MCTP2: variants seen among roughly 807,000 people sequenced by gnomAD.
The protein encoded by MCTP2 is multiple C2 and transmembrane domain containing 2, also known as multiple C2 and transmembrane domain-containing protein 2.
In MCTP2, 132 loss-of-function variants were observed where a neutral mutation model predicts 111.6. That is an observed-to-expected ratio of 1.18 (90% CI 1.03 to 1.37). The LOEUF (loss-of-function observed/expected upper bound fraction) is 1.37. MCTP2 is among the 40% of genes most tolerant of loss of function. The pLI, the probability that MCTP2 is intolerant of heterozygous loss-of-function variation, is 0.00. For missense variants in MCTP2, 1,183 were observed against 1,067.9 expected, an observed-to-expected ratio of 1.11 and a Z score of -1.50; for synonymous variants, 395 against 387.7, an observed-to-expected ratio of 1.02 and a Z score of -0.22.
At chr15:94,428,020 AC>A (rs879711160) in intron 17 of MCTP2, among the ~76,000 whole-genome samples, 2 of 152,128 alleles carry the variant, frequency 1.3e-5, no homozygotes, top group Non-Finnish European at 2.9e-5. Context: ...TAAATTCTGG[AC>A]AGTCTCATTA....
At chr15:94,455,732 G>A (rs1036441869) in intron 19 of MCTP2, among the ~76,000 whole-genome samples, 4 of 152,130 alleles carry the variant, frequency 2.6e-5, no homozygotes, top group Non-Finnish European at 5.9e-5. Context: ...GCTTCAGAAA[G>A]TATTATTAAA....
intron 1 of MCTP2, among the ~76,000 whole-genome samples, chr15:94,286,396 C>T (rs1563361): frequency 0.39 from 59,515 of 151,600 alleles, 11,812 homozygotes; most frequent in South Asian, 0.46. Context: ...AATTTCCTTT[C>T]GACTGGTAAG....
chr15:94,373,471 A>C (rs2079591976), intron 12 of MCTP2, among the ~76,000 whole-genome samples: 1 of 152,218 alleles, frequency 6.6e-6, no homozygotes, highest in Admixed American at 6.5e-5. Context: ...TAAAGTCTTT[A>C]ATTCTGTAAT....
chr15:94,345,089 A>C, intron 7 of MCTP2, 40 bp from the exon 8 acceptor site: 5 of 1,608,992 alleles, frequency 3.1e-6, no homozygotes, highest in Non-Finnish European at 3.4e-6. Context: ...CCTCTGTTTT[A>C]TTTTGCCATT....
chr15:94,340,864 C>G lies in MCTP2; in HGVS notation c.909C>G (p.Asp303Glu). Reference protein sequence around the residue: ...KLEDPNSLEDDMGVIVLNLNL... With the variant: ...KLEDPNSLEDEMGVIVLNLNL... ...AAGATCCAAACAGTTTAGAAGATGA[C>G]ATGGGAGTGATCGTGTTAAATTTGA... is the stretch of plus-strand genomic sequence containing the variant. Residue 303 changes from aspartate to glutamate, a missense_variant, in exon 7 of 23, where the codon GAC becomes GAG. Coordinates refer to ENST00000357742, the MANE Select transcript of MCTP2 (RefSeq NM_001385001.1). 6.2e-7 allele frequency: 1 copy of G among 1,613,192 alleles called. No individual in the cohort carries two copies. Among genetic ancestry groups the G allele is most frequent in the African/African-American group, 1.3e-5 (1 of 74,980 alleles).
chr15:94,245,394 AC>A, intron 1 of MCTP2, among the ~76,000 whole-genome samples: 1 of 52,550 alleles, frequency 1.9e-5, no homozygotes, highest in African/African-American at 6.5e-5. Context: ...GTATTTATAT[AC>A]ATGTGTGTAT....
chr15:94,243,318 T>TATGTACAC (rs1555438833), intron 1 of MCTP2, among the ~76,000 whole-genome samples: 1 of 77,384 alleles, frequency 1.3e-5, no homozygotes, highest in Non-Finnish European at 3.1e-5. Context: ...TACGTATGCG[T>TATGTACAC]ACATACGTAT....
At chr15:94,470,943 C>G (rs1395048599) in intron 21 of MCTP2, among the ~76,000 whole-genome samples, 1 of 152,134 alleles carries the variant, frequency 6.6e-6, no homozygotes, top group Non-Finnish European at 1.5e-5. Flanking sequence ...CTGTGAATAC[C>G]TAACCAGTGC....
chr15:94,383,133 C>T (rs2080248744), intron 12 of MCTP2, among the ~76,000 whole-genome samples: 1 of 152,070 alleles, frequency 6.6e-6, no homozygotes, highest in African/African-American at 2.4e-5. Flanking sequence ...AAATGTAGCT[C>T]GTGTATTCTC....
intron 11 of MCTP2, among the ~76,000 whole-genome samples, 200 bp from the exon 12 acceptor site, chr15:94,369,887 A>T (rs924671586): frequency 6.6e-6 from 1 of 152,100 alleles, no homozygotes; most frequent in Admixed American, 6.6e-5. Flanking sequence ...TCGTTAACTA[A>T]TTCTCAGTCA....
chr15:94,383,354 A>T (rs538354623), intron 12 of MCTP2, among the ~76,000 whole-genome samples: 1 of 152,326 alleles, frequency 6.6e-6, no homozygotes, highest in African/African-American at 2.4e-5. Context: ...TCATTTTAAA[A>T]ACAAAGAAAT....
At chr15:94,424,532 C>T (rs1048917359) in intron 17 of MCTP2, among the ~76,000 whole-genome samples, 3 of 152,100 alleles carry the variant, frequency 2.0e-5, no homozygotes, top group Non-Finnish European at 2.9e-5. Flanking sequence ...TTAAATAACG[C>T]CTCCAGGTGC....
At chr15:94,390,078 A>ATATATATATG (rs2080820112) in intron 14 of MCTP2, among the ~76,000 whole-genome samples, 1 of 47,292 alleles carries the variant, frequency 2.1e-5, no homozygotes, top group Non-Finnish European at 5.4e-5. Flanking sequence ...ATATATATAT[A>ATATATATATG]TATATATATA....
chr15:94,347,783 C>T (rs1991895), intron 8 of MCTP2, among the ~76,000 whole-genome samples: 68,595 of 151,888 alleles, frequency 0.45, 15,689 homozygotes, highest in African/African-American at 0.51. Context: ...ATTTACCTTA[C>T]ATCAAATAGT....
intron 7 of MCTP2, chr15:94,343,698 T>C (rs918118005): frequency 6.6e-6 from 1 of 152,220 alleles, no homozygotes; most frequent in African/African-American, 2.4e-5. Context: ...GAATCCTAGA[T>C]CCACCAGTGG....
In MCTP2 at chr15:94,358,623, T is replaced by C; in HGVS notation, c.1301+11T>C. 1 of 1,612,910 alleles carries C rather than the reference T, an allele frequency of 6.2e-7. No individual in the cohort carries two copies. On this transcript the variant is annotated intron_variant, in intron 10 of 22. Coordinates refer to ENST00000357742, the MANE Select transcript of MCTP2 (RefSeq NM_001385001.1). ...GGAACGTCTGGGCACGTGAGTCCCCTCTGCTTTCCAGTGGCGGGAGCATGT... is the reference window on the plus strand; with the variant it reads ...GGAACGTCTGGGCACGTGAGTCCCCCCTGCTTTCCAGTGGCGGGAGCATGT...
At chr15:94,272,962 C>T (rs1596240737) in intron 1 of MCTP2, among the ~76,000 whole-genome samples, 1 of 152,164 alleles carries the variant, frequency 6.6e-6, no homozygotes, top group Non-Finnish European at 1.5e-5. Flanking sequence ...AATCATGTGT[C>T]CAGCTGCCAA....
At chr15:94,395,533 G>A (rs1462855975) in intron 14 of MCTP2, among the ~76,000 whole-genome samples, 2 of 152,144 alleles carry the variant, frequency 1.3e-5, no homozygotes, top group African/African-American at 4.8e-5. Flanking sequence ...TTTAAAAAGA[G>A]TTCAAGATGA....
In MCTP2 at chr15:94,261,634, G is replaced by C. The variant is rs190695585; in HGVS notation, c.-66+29970G>C. On this transcript the variant is annotated intron_variant, in intron 1 of 22. Coordinates refer to ENST00000357742, the MANE Select transcript of MCTP2 (RefSeq NM_001385001.1). ...CCTCACACCATGAGATATTTGCACTGAGGTCTGAACTTTGAAAACCAGGCA... is the reference window on the plus strand; with the variant it reads ...CCTCACACCATGAGATATTTGCACTCAGGTCTGAACTTTGAAAACCAGGCA... Among the ~76,000 whole-genome samples, 232 of 152,328 alleles carry C rather than the reference G, an allele frequency of 1.5e-3. 1 individual carries two copies. The highest frequency in any genetic ancestry group is 3.0e-3 in the Non-Finnish European group (202 of 68,018).
Sources: allele counts gnomAD v4.1 joint callset (sites outside exome capture counted in the v4.1 genomes callset), GRCh38; gene constraint gnomAD v4.1.1; transcripts MANE v1.5; gene names NCBI Gene and HGNC (gene_info 2026-07-23, HGNC 2026-07-21).